CDHR5: variants seen among roughly 807,000 people sequenced by gnomAD.
The protein encoded by CDHR5 is cadherin-related family member 5.
CDHR5 carries 82 observed loss-of-function variants against 69.5 expected under a neutral mutation model. The ratio of observed to expected loss-of-function variants is 1.18; its 90% CI spans 0.99 to 1.42. CDHR5 has a LOEUF of 1.42. CDHR5 is among the 40% of genes most tolerant of loss of function. CDHR5 has a pLI of 0.00. For missense variants in CDHR5, 1,293 were observed against 1,168.9 expected (o/e 1.11, Z -1.55); for synonymous variants, 601 against 510.2 (o/e 1.18, Z -2.40).
rs1400856137 is a variant in CDHR5 at position 621,594 on chromosome 11, TGTC to T, written c.472_474del (p.Asp158del). 2 of 1,613,630 alleles carry T rather than the reference TGTC, an allele frequency of 1.2e-6. No homozygotes were observed. The highest frequency in any genetic ancestry group is 4.5e-5 in the East Asian group (2 of 44,844). On this transcript the variant is annotated inframe_deletion, in exon 5 of 15. Transcript: ENST00000397542. The surrounding 1 kb of genome is among the most constrained non-coding windows in gnomAD (Gnocchi z 4.4). Reference sequence around the variant, plus strand: ...ATTTCCTGGAGGGTGTAGAACAGAATGTCGTCCTTGTCGCGGTCCTCAGCCTGC... The same window carrying T: ...ATTTCCTGGAGGGTGTAGAACAGAATGTCCTTGTCGCGGTCCTCAGCCTGC...
In CDHR5 at chr11:621,201, A is replaced by C; in HGVS notation, c.668T>G (p.Leu223Arg). Residue 223 changes from leucine (L) to arginine (R), a missense_variant, in exon 7 of 15, where the codon CTA becomes CGA. Transcript: ENST00000397542. The surrounding 1 kb of genome is among the most constrained non-coding windows in gnomAD (Gnocchi z 4.4). ...GTCGGCGGGCACCACGTTCAGCACT[A>C]GTGTGGCGGTGGCAGTGTGGCTGGG... ...VEPSHTATAT[L>R]VLNVVPADLR... 1.2e-6 allele frequency: 2 copies of C among 1,602,878 alleles called. No homozygotes were observed. The highest frequency in any genetic ancestry group is 1.7e-6 in the Non-Finnish European group (2 of 1,173,612).
In CDHR5 at chr11:616,967, G is replaced by C. The variant is rs1856938708; in HGVS notation, c.*384C>G. On this transcript the variant is annotated 3_prime_UTR_variant, in exon 15 of 15. Transcript: ENST00000397542. ...GTGTAGGGTCGGGAGCGGGAGGTCT[G>C]AGATGAGCCGGGTGCCTGAGATCTC... 1.6e-5 allele frequency: 4 copies of C among 244,560 alleles called. No homozygotes were observed. Among genetic ancestry groups the C allele is most frequent in the South Asian group, 8.4e-5 (1 of 11,972 alleles). The allele number at this position is 244,560 out of a possible 1,614,324, so 15.1% of individuals were successfully genotyped here.
Position 617,394 on chromosome 11 carries a change from C to T in CDHR5, c.2495G>A (p.Gly832Glu). 1.2e-6 allele frequency: 2 copies of T among 1,610,414 alleles called. No homozygotes were observed. Among genetic ancestry groups the T allele is most frequent in the Non-Finnish European group, 1.7e-6 (2 of 1,178,494 alleles). ...GDEGEGAGRG[G>E]GPYDAPGGDD... ...ACCACCGGGCGCATCGTAGGGACCC[C>T]CACCCCTCCCCGCGCCCTCGCCCTC... Residue 832 changes from glycine (G) to glutamate (E), a missense_variant, in exon 15 of 15, where the codon GGG becomes GAG. Transcript: ENST00000397542.
rs777812408 is a variant in CDHR5, at chr11:624,914, T to C, written c.-12A>G. The C allele has an allele frequency of 2.6e-6, 4 of 1,543,336 alleles. No homozygotes were observed. In the Admixed American group the frequency reaches 8.1e-5, roughly 31 times the overall value. On this transcript the variant is annotated 5_prime_UTR_variant, in exon 1 of 15. Transcript: ENST00000397542. The surrounding 1 kb of genome is among the most constrained non-coding windows in gnomAD (Gnocchi z 5.3). ...GCCCAAGACCCCATCTTGGCGGCTG[T>C]CACCTGGCAGGAGGGTCTGAGCGGG...
Position 617,390 on chromosome 11 carries a change from A to G in CDHR5, c.2499T>C (p.Gly833=). Residue 833 remains glycine (G), a synonymous_variant, in exon 15 of 15, where the codon GGT becomes GGC. Coordinates refer to ENST00000397542, the MANE Select transcript of CDHR5 (RefSeq NM_021924.5). ...CATCACCACCGGGCGCATCGTAGGG[A>G]CCCCCACCCCTCCCCGCGCCCTCGC... The part of the protein sequence containing the change: ...DEGEGAGRGG[G]PYDAPGGDDS... The G allele has an allele frequency of 6.2e-7, 1 of 1,608,988 alleles. No homozygotes were observed. The highest frequency in any genetic ancestry group is 8.5e-7 in the Non-Finnish European group (1 of 1,178,084).
At chr11:620,666 G>A (rs1196317367) in intron 7 of CDHR5, among the ~76,000 whole-genome samples, 3 of 152,180 alleles carry the variant, frequency 2.0e-5, no homozygotes, top group African/African-American at 7.2e-5. Context: ...TTTAGGAAGT[G>A]GGGGCTCCCG....
At position 619,352 on chromosome 11, in the gene CDHR5, G is replaced by T. The variant is rs753462843; in HGVS notation, c.1332C>A (p.Thr444=). The T allele has an allele frequency of 3.1e-6, 5 of 1,613,756 alleles. No homozygotes were observed. In the Admixed American group the frequency reaches 5.0e-5, roughly 16 times the overall value. The change falls in exon 12 of 15, where the codon ACC becomes ACA. Residue 444 remains threonine (T), a synonymous_variant. Transcript: ENST00000397542. The part of the protein sequence containing the change: ...AHNTVTSGTA[T]TVIEIQVSEQ... Reference sequence around the variant, plus strand: ...CGGAAACTTGTATCTCAATGACTGTGGTTGCGGTGCCAGAGGTCACCGTGT... The same window carrying T: ...CGGAAACTTGTATCTCAATGACTGTTGTTGCGGTGCCAGAGGTCACCGTGT...
At position 618,992 on chromosome 11, in the gene CDHR5, C is replaced by T. The variant is rs1857176567; in HGVS notation, c.1567G>A (p.Gly523Ser). 6.2e-7 allele frequency: 1 copy of T among 1,613,466 alleles called. No individual in the cohort carries two copies. The highest frequency in any genetic ancestry group is 2.2e-5 in the East Asian group (1 of 44,830). The change falls in exon 13 of 15, where the codon GGT (glycine) becomes AGT (serine). Residue 523 changes from glycine to serine, a missense_variant. By Grantham distance (56) the Gly-to-Ser change is moderately conservative. Coordinates refer to ENST00000397542, the MANE Select transcript of CDHR5 (RefSeq NM_021924.5). ...PTSSTPGGPP[G>S]AENSTSHQPA... is the part of the protein sequence containing the mutation. The stretch of plus-strand genomic sequence containing the variant: ...TGGTGGGAGGTGCTGTTTTCTGCAC[C>T]CGGGGGCCCCCCGGGTGTGGACGAG...
At position 621,241 on chromosome 11, in the gene CDHR5, C is replaced by T. The variant is rs1221308007; in HGVS notation, c.628G>A (p.Gly210Arg). 2 of 1,599,316 alleles carry T rather than the reference C, an allele frequency of 1.3e-6. No individual in the cohort carries two copies. The highest frequency in any genetic ancestry group is 4.5e-5 in the East Asian group (2 of 44,724). Reference sequence around the variant, plus strand: ...GTGTGGCTGGGTTCCACATTCTCCCCCGGAGTGTCCTGCAACAGACGGCTG... The same window carrying T: ...GTGTGGCTGGGTTCCACATTCTCCCTCGGAGTGTCCTGCAACAGACGGCTG... ...TFWLLVRDTP[G>R]ENVEPSHTAT... is the part of the protein sequence containing the mutation. Residue 210 changes from glycine (G) to arginine (R), a missense_variant, in exon 7 of 15, where the codon GGG becomes AGG. Gly to Arg is a moderately radical substitution (Grantham distance 125, BLOSUM62 -2). Coordinates refer to ENST00000397542, the MANE Select transcript of CDHR5 (RefSeq NM_021924.5). This position sits in a 1 kb window ranked among gnomAD's most constrained non-coding sequence, Gnocchi z 4.4.
chr11:618,916 G>A lies in CDHR5; in HGVS notation c.1643C>T (p.Ser548Phe), dbSNP rs141060537. Residue 548 changes from serine (S) to phenylalanine (F), a missense_variant, in exon 13 of 15, where the codon TCT (serine) becomes TTT (phenylalanine). Physicochemically the swap from Ser to Phe is radical, Grantham distance 155. Coordinates refer to ENST00000397542, the MANE Select transcript of CDHR5 (RefSeq NM_021924.5). ...TCCCACACCGGGGGGCATCGGCTGA[G>A]AGGTTCCTGGCTTTGGGGTCTGTGC... is the stretch of plus-strand genomic sequence containing the variant. ...DTAQTPKPGT[S>F]QPMPPGVGTS... is the part of the protein sequence containing the mutation. 1.3e-5 allele frequency: 21 copies of A among 1,609,228 alleles called. No homozygotes were observed. In the African/African-American group the frequency reaches 1.9e-4, roughly 14 times the overall value.
chr11:619,014 C>T lies in CDHR5; in HGVS notation c.1545G>A (p.Ser515=), dbSNP rs372759976. 9 of 1,612,950 alleles carry T rather than the reference C, an allele frequency of 5.6e-6. No homozygotes were observed. In the East Asian group the frequency reaches 8.9e-5, roughly 16 times the overall value. Reference sequence around the variant, plus strand: ...CACCCGGGGGCCCCCCGGGTGTGGACGAGGTTGGTGGCCTCAGAGTTGTGC... The same window carrying T: ...CACCCGGGGGCCCCCCGGGTGTGGATGAGGTTGGTGGCCTCAGAGTTGTGC... ...PSGTTLRPPT[S]STPGGPPGAE... is the part of the protein sequence containing the mutation. The change falls in exon 13 of 15, where the codon TCG becomes TCA. Residue 515 remains serine (S), a synonymous_variant. Coordinates refer to ENST00000397542, the MANE Select transcript of CDHR5 (RefSeq NM_021924.5).
chr11:618,790 G>C lies in CDHR5; in HGVS notation c.1769C>G (p.Thr590Ser), dbSNP rs751044329. 2.5e-6 allele frequency: 4 copies of C among 1,610,232 alleles called. No homozygotes were observed. In the South Asian group the frequency reaches 4.4e-5, roughly 18 times the overall value. ...ACCGGGTGTGGCTGGTTGGTGGGAG[G>C]TGCTGGTTCCCATACTGGGGGGCAT... ...QPMPPSMGTS[T>S]SHQPATPGGG... The change falls in exon 13 of 15, where the codon ACC becomes AGC. Residue 590 changes from threonine (T) to serine (S), a missense_variant. Physicochemically the swap from Thr to Ser is moderately conservative, Grantham distance 58. Coordinates refer to ENST00000397542, the MANE Select transcript of CDHR5 (RefSeq NM_021924.5).
rs1460069272 is a variant in CDHR5, at chr11:617,677, G to A, written c.2212C>T (p.Pro738Ser). 3 of 1,485,636 alleles carry A rather than the reference G, an allele frequency of 2.0e-6. No individual in the cohort carries two copies. In the Admixed American group the frequency reaches 7.4e-5, roughly 36 times the overall value. The allele number at this position is 1,485,636 out of a possible 1,614,324, so 92.0% of individuals were successfully genotyped here. ...PVPSPTHDPK[P>S]AEAPMPAEPA... is the part of the protein sequence containing the mutation. ...TCTGCGGGCATCGGTGCCTCCGCGGGCTTGGGGTCGTGCGTGGGGCTGGGG... is the reference window on the plus strand; with the variant it reads ...TCTGCGGGCATCGGTGCCTCCGCGGACTTGGGGTCGTGCGTGGGGCTGGGG... Residue 738 changes from proline (P) to serine (S), a missense_variant, in exon 15 of 15, where the codon CCC becomes TCC. By Grantham distance (74) the Pro-to-Ser change is moderately conservative. Coordinates refer to ENST00000397542, the MANE Select transcript of CDHR5 (RefSeq NM_021924.5).
In CDHR5 at chr11:619,335, T is replaced by A; in HGVS notation, c.1349A>T (p.Gln450Leu). ...SGTATTVIEI[Q>L]VSEQEPPSTD... is the part of the protein sequence containing the mutation. ...GGAGGGGGGCTCCTGTTCGGAAACT[T>A]GTATCTCAATGACTGTGGTTGCGGT... The change falls in exon 12 of 15, where the codon CAA becomes CTA. Residue 450 changes from glutamine (Q) to leucine (L), a missense_variant. Coordinates refer to ENST00000397542, the MANE Select transcript of CDHR5 (RefSeq NM_021924.5). 6.2e-7 allele frequency: 1 copy of A among 1,613,310 alleles called. No individual in the cohort carries two copies. The highest frequency in any genetic ancestry group is 2.2e-5 in the East Asian group (1 of 44,860).
chr11:621,872 C>T lies in CDHR5; in HGVS notation c.345G>A (p.Leu115=), dbSNP rs2133208291. 1.9e-6 allele frequency: 3 copies of T among 1,613,624 alleles called. No individual in the cohort carries two copies. Among genetic ancestry groups the T allele is most frequent in the Non-Finnish European group, 1.7e-6 (2 of 1,179,866 alleles). Residue 115 remains leucine, a synonymous_variant, in exon 4 of 15, where the codon CTG becomes CTA. Transcript: ENST00000397542. This position sits in a 1 kb window ranked among gnomAD's most constrained non-coding sequence, Gnocchi z 4.4. ...ATTCGGGGGCATTGTCATTGACGTC[C>T]AGCACTGACACGAACACCCTTAGCT... ...VTQLRVFVSV[L]DVNDNAPEFP... is the part of the protein sequence containing the mutation.
Position 617,074 on chromosome 11 carries a change from C to T in CDHR5, c.*277G>A, listed in dbSNP as rs1489524816. The T allele has an allele frequency of 2.7e-5, 14 of 509,900 alleles. No individual in the cohort carries two copies. The highest frequency in any genetic ancestry group is 4.5e-5 in the Non-Finnish European group (13 of 287,264). 31.6% of individuals were successfully genotyped at this position (509,900 alleles called of 1,614,324 possible). On this transcript the variant is annotated 3_prime_UTR_variant, in exon 15 of 15. Transcript: ENST00000397542. ...ACTTCCCAGACTAGCTGGCACAGAG[C>T]CTCGGGAAGGCGGCGGGCACTGCAG...
At chr11:619,425 A>G (rs754654216) in intron 11 of CDHR5, 35 bp from the exon 12 acceptor site, 4 of 1,608,964 alleles carry the variant, frequency 2.5e-6, no homozygotes, top group Non-Finnish European at 3.4e-6. Context: ...TCCTAGACAC[A>G]TCTTTAAGCC....
rs368272055 is a variant in CDHR5 at position 624,231 on chromosome 11, A to G, written c.294T>C (p.Cys98=). 6 of 770,010 alleles carry G rather than the reference A, an allele frequency of 7.8e-6. No individual in the cohort carries two copies. The African/African-American group carries it at 8.5e-5, about 11-fold the overall frequency. 47.7% of individuals were successfully genotyped at this position (770,010 alleles called of 1,614,324 possible). The change falls in exon 3 of 15, where the codon TGT becomes TGC. Residue 98 remains cysteine, a synonymous_variant. Transcript: ENST00000397542. The surrounding 1 kb of genome is among the most constrained non-coding windows in gnomAD (Gnocchi z 5.3). The part of the protein sequence containing the change: ...EKSLLEAQLL[C]QSGGTLVTQL... ...GACTCACCAATGTGCCTCCGCTCTGACACAGCAGCTGAGCCTCAAGCAGTG... is the reference window on the plus strand; with the variant it reads ...GACTCACCAATGTGCCTCCGCTCTGGCACAGCAGCTGAGCCTCAAGCAGTG...
Position 617,872 on chromosome 11 carries a change from G to A in CDHR5, c.2118+82C>T, listed in dbSNP as rs1011072481. Reference sequence around the variant, plus strand: ...TGGACACCCCTCCGTCTCCACATCTGTCCCTCTGCCCTCCCCTCTCCTGTC... The same window carrying A: ...TGGACACCCCTCCGTCTCCACATCTATCCCTCTGCCCTCCCCTCTCCTGTC... On this transcript the variant is annotated intron_variant, in intron 14 of 14. Coordinates refer to ENST00000397542, the MANE Select transcript of CDHR5 (RefSeq NM_021924.5). 3.9e-6 allele frequency: 6 copies of A among 1,524,654 alleles called. No homozygotes were observed. In the Admixed American group the frequency reaches 5.9e-5, roughly 15 times the overall value. 94.4% of individuals were successfully genotyped at this position (1,524,654 alleles called of 1,614,324 possible).
Sources: gnomAD v4.1 joint callset for allele counts (sites outside exome capture counted in the v4.1 genomes callset) on GRCh38, gnomAD v4.1.1 for gene constraint, Gnocchi (gnomAD v3.1) non-coding constraint, MANE v1.5 for transcripts, NCBI Gene and HGNC (gene_info 2026-07-23, HGNC 2026-07-21) for gene names.